NF1: variants seen among roughly 807,000 people sequenced by gnomAD.
NF1 encodes the protein neurofibromin.
NF1 carries 122 observed loss-of-function variants against 325.7 expected under a neutral mutation model. That is an observed-to-expected ratio of 0.37 (90% CI 0.32 to 0.44). The LOEUF (loss-of-function observed/expected upper bound fraction) is 0.44, where lower values mean the gene tolerates loss of function less well. NF1 is among the 20% of genes least tolerant of loss of function. The pLI is 1.00. For missense variants in NF1, 2,140 were observed against 3,415.4 expected (o/e 0.63, Z 9.31); for synonymous variants, 1,091 against 1,186.0 (o/e 0.92, Z 1.65).
At chr17:31,149,632 GT>G (rs1916800248) in intron 1 of NF1, among the ~76,000 whole-genome samples, 1 of 152,166 alleles carries the variant, frequency 6.6e-6, no homozygotes, top group South Asian at 2.1e-4. Context: ...ATTGTATACA[GT>G]TTTGAGGGGA....
Position 31,223,427 on chromosome 17 carries a change from A to G in NF1, c.1722-17A>G. On this transcript the variant is annotated splice_polypyrimidine_tract_variant and intron_variant, in intron 15 of 57. Coordinates refer to ENST00000358273, the MANE Select transcript of NF1 (RefSeq NM_001042492.3). ...TTATTGATGATGCTAGTAACAATGA[A>G]CTTTATGTTACTGCAGCTCACAAAT... 1.9e-6 allele frequency: 3 copies of G among 1,610,078 alleles called. No individual in the cohort carries two copies. Among genetic ancestry groups the G allele is most frequent in the Non-Finnish European group, 2.5e-6 (3 of 1,178,080 alleles).
In NF1 at chr17:31,227,184, T is replaced by C. The variant is rs200937398; in HGVS notation, c.2252-34T>C. 3,183 of 1,607,690 alleles carry C rather than the reference T, an allele frequency of 2.0e-3. 73 individuals are homozygous for C. The South Asian group carries it at 0.033, about 17-fold the overall frequency. ...CTCCATTGGCAGGCAGGGCTCTAAG[T>C]GCAGTAACTTGATTTGCTGTTGTAT... On this transcript the variant is annotated intron_variant, in intron 18 of 57. Coordinates refer to ENST00000358273, the MANE Select transcript of NF1 (RefSeq NM_001042492.3).
intron 36 of NF1, chr17:31,308,063 A>G (rs2068770946): frequency 2.5e-6 from 1 of 394,122 alleles, no homozygotes; most frequent in Non-Finnish European, 4.7e-6. Flanking sequence ...ACACTGCTGA[A>G]TTAATCTTAA....
chr17:31,337,042 G>T, intron 42 of NF1, 128 bp downstream of exon 42: 1 of 938,396 alleles, frequency 1.1e-6, no homozygotes, highest in Non-Finnish European at 1.6e-6. Flanking sequence ...CTCCAGTAAT[G>T]ACATGAAATA....
chr17:31,269,742 A>G (rs190938963), intron 36 of NF1, among the ~76,000 whole-genome samples: 39 of 152,248 alleles, frequency 2.6e-4, no homozygotes, highest in African/African-American at 8.9e-4. Context: ...CTCCCAGCTT[A>G]ACAATCCCAG....
intron 1 of NF1, among the ~76,000 whole-genome samples, chr17:31,128,116 ATTT>A (rs546185681): frequency 5.4e-5 from 6 of 112,066 alleles, no homozygotes; most frequent in East Asian, 2.6e-4. Flanking sequence ...TGATTTTTGT[ATTT>A]TTTTTTTTTT....
rs148154172 is a variant in NF1, at chr17:31,352,394, C to T, written c.7595C>T (p.Ala2532Val). The T allele has an allele frequency of 6.2e-4, 994 of 1,613,328 alleles. 3 individuals carry two copies. The highest frequency in any genetic ancestry group is 1.1e-3 in the Admixed American group (63 of 59,936). Residue 2532 changes from alanine (A) to valine (V), a missense_variant, in exon 51 of 58, where the codon GCC becomes GTC. Ala to Val is a moderately conservative substitution (Grantham distance 64). Transcript: ENST00000358273. ...MSLDMGQPSQANTKKLLGTRK... is the reference protein window; with the variant it reads ...MSLDMGQPSQVNTKKLLGTRK... ...CTGGACATGGGGCAACCTTCTCAGG[C>T]CAACACTAAGAAGTTGCTTGGTTAG...
Position 31,114,860 on chromosome 17 carries a change from A to C in NF1, c.60+19491A>C, listed in dbSNP as rs1233121841. Among the ~76,000 whole-genome samples the C allele has an allele frequency of 2.0e-5, 3 of 152,206 alleles. No individual in the cohort carries two copies. In the South Asian group the frequency reaches 6.2e-4, roughly 32 times the overall value. The stretch of plus-strand genomic sequence containing the variant: ...CAGAGCAAGACTCTGTCTCAAAAAA[A>C]GAAAAAAAAGAATACAAATCTTTGG... On this transcript the variant is annotated intron_variant, in intron 1 of 57. Coordinates refer to ENST00000358273, the MANE Select transcript of NF1 (RefSeq NM_001042492.3).
intron 1 of NF1, among the ~76,000 whole-genome samples, chr17:31,115,507 T>C (rs989175053): frequency 1.3e-5 from 2 of 152,228 alleles, no homozygotes; most frequent in South Asian, 2.1e-4. Context: ...CTACTTCTAC[T>C]TGTGCCCCTT....
chr17:31,161,808 G>C (rs1402395842), intron 3 of NF1, among the ~76,000 whole-genome samples: 1 of 152,104 alleles, frequency 6.6e-6, no homozygotes, highest in Admixed American at 6.5e-5. Context: ...GATCGAGACA[G>C]GCGGAGAGCT....
chr17:31,367,358 C>G (rs2070545951), intron 57 of NF1: 8 of 933,818 alleles, frequency 8.6e-6, no homozygotes, highest in Non-Finnish European at 1.1e-5. Flanking sequence ...TGAGACTTTA[C>G]TCACCGGTCC....
intron 8 of NF1, among the ~76,000 whole-genome samples, chr17:31,187,949 T>C (rs545474054): frequency 6.6e-6 from 1 of 152,320 alleles, no homozygotes; most frequent in African/African-American, 2.4e-5. Flanking sequence ...TGACCCTGAC[T>C]ATCAAGATGA....
rs2151429468 is a variant in NF1, at chr17:31,229,313, T to A, written c.2698T>A (p.Ser900Thr). 1 of 1,613,962 alleles carries A rather than the reference T, an allele frequency of 6.2e-7. No individual in the cohort carries two copies. The highest frequency in any genetic ancestry group is 8.5e-7 in the Non-Finnish European group (1 of 1,179,832). ...CAGCAAATTTATGGATCGGCTGTTG[T>A]CCTTAATGGTGTGTAACCATGAGAA... ...PVSKFMDRLL[S>T]LMVCNHEKVG... Residue 900 changes from serine to threonine, a missense_variant, in exon 21 of 58, where the codon TCC becomes ACC. Ser to Thr is a moderately conservative substitution (Grantham distance 58). Around this residue, in one of 10 missense-constraint regions of NF1, gnomAD observed 380 missense variants for 639.3 expected, o/e 0.59. Coordinates refer to ENST00000358273, the MANE Select transcript of NF1 (RefSeq NM_001042492.3).
intron 36 of NF1, among the ~76,000 whole-genome samples, chr17:31,309,091 A>G (rs1027304688): frequency 1.3e-5 from 2 of 152,220 alleles, no homozygotes; most frequent in South Asian, 2.1e-4. Context: ...GACAGTGTCA[A>G]ATGAGTTAAG....
intron 5 of NF1, among the ~76,000 whole-genome samples, chr17:31,178,484 C>T (rs1347751684): frequency 6.6e-6 from 1 of 152,112 alleles, no homozygotes; most frequent in African/African-American, 2.4e-5. Flanking sequence ...AACCAGCTAG[C>T]ATCATAATAA....
chr17:31,233,462 G>A (rs938329431), intron 27 of NF1, among the ~76,000 whole-genome samples: 3 of 152,130 alleles, frequency 2.0e-5, no homozygotes, highest in African/African-American at 7.2e-5. Flanking sequence ...ATCTACTCTG[G>A]TGTCTTCATA....
intron 36 of NF1, chr17:31,313,855 C>A (rs1245224719): frequency 5.6e-6 from 2 of 355,908 alleles, no homozygotes; most frequent in East Asian, 4.1e-5. Context: ...TGCAACAAAA[C>A]CACAAAAACC....
In NF1 at chr17:31,223,550, TTTC is replaced by T. The variant is rs2066964109; in HGVS notation, c.1834_1836del (p.Leu612del). ...GGAAATATTGATCTGCAGGAATAAA[TTTC>T]TTCTTAAAAATAAGGTAAGCAAAAT... On this transcript the variant is annotated inframe_deletion, in exon 16 of 58. Transcript: ENST00000358273. The T allele has an allele frequency of 1.2e-6, 2 of 1,612,140 alleles. No homozygotes were observed. The highest frequency in any genetic ancestry group is 1.7e-6 in the Non-Finnish European group (2 of 1,178,660).
intron 36 of NF1, among the ~76,000 whole-genome samples, chr17:31,272,944 AT>A (rs2067930839): frequency 6.6e-6 from 1 of 152,092 alleles, no homozygotes; most frequent in South Asian, 2.1e-4. Flanking sequence ...CACAAGACCT[AT>A]TTTCTATTGA....
Sources: allele counts gnomAD v4.1 joint callset (sites outside exome capture counted in the v4.1 genomes callset), GRCh38; gene constraint gnomAD v4.1.1; regional missense constraint gnomAD v4.1.1; transcripts MANE v1.5; gene names NCBI Gene and HGNC (gene_info 2026-07-23, HGNC 2026-07-21).